The following CDH20 variants were observed in gnomAD, a reference collection of about 807,000 sequenced individuals.
CDH20 encodes cadherin-20.
A neutral mutation model predicts 74.2 loss-of-function variants in CDH20; 29 were observed. That is an observed-to-expected ratio of 0.39 (90% CI 0.29 to 0.53). CDH20 has a LOEUF of 0.53. Ranked by LOEUF, CDH20 falls within the 20% of genes least tolerant of loss-of-function variation. CDH20 has a pLI of 0.69. For missense variants in CDH20, 988 were observed against 1,048.3 expected, an observed-to-expected ratio of 0.94 and a Z score of 0.79; for synonymous variants, 469 against 405.4, an observed-to-expected ratio of 1.16 and a Z score of -1.88.
chr18:61,371,817 T>C (rs1911051776), intron 1 of CDH20, among the ~76,000 whole-genome samples: 1 of 148,296 alleles, frequency 6.7e-6, no homozygotes, highest in African/African-American at 2.5e-5. Context: ...TATAGGAAAA[T>C]ACATGCCGCA....
At chr18:61,508,396 A>G (rs1911656099) in intron 6 of CDH20, among the ~76,000 whole-genome samples, 1 of 152,314 alleles carries the variant, frequency 6.6e-6, no homozygotes, top group South Asian at 2.1e-4. Context: ...AGTTTATTAG[A>G]AGGTAATAAC....
At chr18:61,385,827 G>A (rs1049671197) in intron 1 of CDH20, among the ~76,000 whole-genome samples, 5 of 151,862 alleles carry the variant, frequency 3.3e-5, no homozygotes, top group African/African-American at 1.2e-4. Flanking sequence ...CTACTCAGGA[G>A]GCTGAGGCAG....
chr18:61,486,039 G>C (rs1037807815), intron 1 of CDH20, among the ~76,000 whole-genome samples: 40 of 151,920 alleles, frequency 2.6e-4, no homozygotes, highest in African/African-American at 8.5e-4. Flanking sequence ...CGCCACTGCA[G>C]TCCAGCCTGG....
chr18:61,478,728 T>C (rs55769502), intron 1 of CDH20, among the ~76,000 whole-genome samples: 4 of 152,124 alleles, frequency 2.6e-5, no homozygotes, highest in African/African-American at 9.7e-5. Context: ...TTCCCAAATA[T>C]GTAACACAGA....
At chr18:61,413,805 T>C (rs995939606) in intron 1 of CDH20, among the ~76,000 whole-genome samples, 1 of 152,024 alleles carries the variant, frequency 6.6e-6, no homozygotes, top group Non-Finnish European at 1.5e-5. Context: ...TACTTAAAAA[T>C]GTGATGGTAA....
At chr18:61,414,622 G>C (rs1446612915) in intron 1 of CDH20, among the ~76,000 whole-genome samples, 3 of 151,998 alleles carry the variant, frequency 2.0e-5, no homozygotes, top group African/African-American at 7.2e-5. Context: ...TATCCATATA[G>C]TATAGTAATT....
chr18:61,458,904 C>A (rs1490620609), intron 1 of CDH20, among the ~76,000 whole-genome samples: 1 of 152,112 alleles, frequency 6.6e-6, no homozygotes, highest in Non-Finnish European at 1.5e-5. Flanking sequence ...TTGTTGATTT[C>A]TTTTATTATC....
intron 1 of CDH20, among the ~76,000 whole-genome samples, chr18:61,411,266 A>T (rs1225257625): frequency 6.6e-6 from 1 of 152,036 alleles, no homozygotes; most frequent in Non-Finnish European, 1.5e-5. Flanking sequence ...AGATGTTGGC[A>T]TGGATGTGGT....
chr18:61,490,451 C>T lies in CDH20; in HGVS notation c.-103C>T, dbSNP rs1568161391. ...TTGAAACGGGATCTCATTTAGGAAG[C>T]ATAAGTGTCCAATCAAAAACTGTGT... On this transcript the variant is annotated 5_prime_UTR_variant, in exon 2 of 12. Transcript: ENST00000262717. The T allele has an allele frequency of 1.8e-6, 2 of 1,138,268 alleles. No homozygotes were observed. The highest frequency in any genetic ancestry group is 1.3e-6 in the Non-Finnish European group (1 of 781,222). 70.5% of individuals were successfully genotyped at this position (1,138,268 alleles called of 1,614,324 possible). A position where few individuals can be genotyped will look rare whatever the true frequency, so the allele number is the denominator to read the frequency against.
intron 7 of CDH20, among the ~76,000 whole-genome samples, chr18:61,529,559 T>A (rs1477346840): frequency 6.6e-6 from 1 of 152,226 alleles, no homozygotes; most frequent in Non-Finnish European, 1.5e-5. Flanking sequence ...TGAAGCTTTT[T>A]AAATATAAAC....
At chr18:61,395,411 T>C (rs954830244) in intron 1 of CDH20, among the ~76,000 whole-genome samples, 2 of 152,128 alleles carry the variant, frequency 1.3e-5, no homozygotes, top group South Asian at 4.1e-4. Context: ...TAGGACTGAG[T>C]CATCTTCATC....
At chr18:61,550,510 C>A (rs903506098) in intron 11 of CDH20, among the ~76,000 whole-genome samples, 4 of 152,194 alleles carry the variant, frequency 2.6e-5, no homozygotes, top group African/African-American at 9.6e-5. Context: ...CAAGTCCTGG[C>A]CTTCCTGAGT....
intron 1 of CDH20, among the ~76,000 whole-genome samples, chr18:61,488,715 T>TGTTTTTTGTTTG (rs71178974): frequency 6.7e-6 from 1 of 149,278 alleles, no homozygotes; most frequent in Admixed American, 6.7e-5. Context: ...GTGGCTTTTT[T>TGTTTTTTGTTTG]TTTGTTTGTT....
intron 1 of CDH20, among the ~76,000 whole-genome samples, chr18:61,426,326 A>T (rs143851485): frequency 4.6e-4 from 70 of 152,284 alleles, no homozygotes; most frequent in African/African-American, 1.7e-3. Flanking sequence ...CAATCATTTT[A>T]TAAGAAATAT....
intron 1 of CDH20, among the ~76,000 whole-genome samples, chr18:61,473,199 C>G (rs540021189): frequency 6.6e-6 from 1 of 152,296 alleles, no homozygotes; most frequent in African/African-American, 2.4e-5. Context: ...TTTTATCTCT[C>G]TCTTTAATCC....
intron 1 of CDH20, among the ~76,000 whole-genome samples, chr18:61,384,658 T>C (rs1388254674): frequency 1.3e-5 from 2 of 152,216 alleles, no homozygotes; most frequent in African/African-American, 2.4e-5. Context: ...AGGATTCTCT[T>C]AGCATTCATG....
chr18:61,504,389 A>G lies in CDH20; in HGVS notation c.829+1269A>G, dbSNP rs150387331. Reference sequence around the variant, plus strand: ...GGAACCATGGCAGAGGGTGGAGTCAAAGATGACAATGACGTTTTCACTCTG... The same window carrying G: ...GGAACCATGGCAGAGGGTGGAGTCAGAGATGACAATGACGTTTTCACTCTG... On this transcript the variant is annotated intron_variant, in intron 5 of 11. Coordinates refer to ENST00000262717, the MANE Select transcript of CDH20 (RefSeq NM_031891.4). 5.4e-3 allele frequency among the ~76,000 whole-genome samples: 816 copies of G among 152,320 alleles called. 8 individuals carry two copies. The highest frequency in any genetic ancestry group is 6.3e-3 in the Non-Finnish European group (428 of 68,034).
intron 1 of CDH20, among the ~76,000 whole-genome samples, chr18:61,407,946 T>C (rs1912383353): frequency 6.6e-6 from 1 of 152,246 alleles, no homozygotes; most frequent in African/African-American, 2.4e-5. Context: ...TAGTTAATAG[T>C]ATTACATCAA....
intron 1 of CDH20, among the ~76,000 whole-genome samples, chr18:61,464,675 G>A (rs1472113918): frequency 6.6e-6 from 1 of 152,138 alleles, no homozygotes; most frequent in Non-Finnish European, 1.5e-5. Flanking sequence ...CAAAACACTG[G>A]CTAGAAGTGA....
Sources: allele counts gnomAD v4.1 joint callset (sites outside exome capture counted in the v4.1 genomes callset), GRCh38; gene constraint gnomAD v4.1.1; transcripts MANE v1.5; gene names NCBI Gene and HGNC (gene_info 2026-07-23, HGNC 2026-07-21).